Variants in STON1 observed in about 807,000 individuals in gnomAD.
STON1 encodes the protein stonin-1.
STON1 carries 79 observed loss-of-function variants against 60.9 expected under a neutral mutation model. The observed-to-expected ratio is 1.30, with a 90% CI of 1.08 to 1.56. STON1 has a LOEUF of 1.56. Among genes scored for constraint, STON1 ranks in the 40% most tolerant of loss-of-function variants. The pLI, the probability that STON1 is intolerant of heterozygous loss-of-function variation, is 0.00. For synonymous variants in STON1, 363 were observed against 306.9 expected (o/e 1.18, Z -1.91); for missense variants, 1,166 against 858.9 (o/e 1.36, Z -4.47).
chr2:48,582,542 C>A lies in STON1; in HGVS notation c.1909C>A (p.Arg637=), dbSNP rs764099758. ...AYQAVVWKID[R]LPDKNSSLDH... is the part of the protein sequence containing the mutation. ...CCAGGCAGTGGTATGGAAGATAGAT[C>A]GGCTTCCAGACAAAAATTCAAGTAA... The change falls in exon 2 of 4, where the codon CGG becomes AGG. Residue 637 remains arginine (R), a synonymous_variant. Coordinates refer to ENST00000404752, the MANE Select transcript of STON1 (RefSeq NM_006873.4). 1 of 1,607,370 alleles carries A rather than the reference C, an allele frequency of 6.2e-7. No homozygotes were observed. The highest frequency in any genetic ancestry group is 1.1e-5 in the South Asian group (1 of 89,738).
intron 1 of STON1, among the ~76,000 whole-genome samples, chr2:48,540,524 G>A (rs2103752457): frequency 6.6e-6 from 1 of 152,076 alleles, no homozygotes; most frequent in Admixed American, 6.5e-5. Context: ...CCTGGAGGAT[G>A]GTGCACCCAG....
At chr2:48,570,541 G>A (rs1021074070) in intron 1 of STON1, among the ~76,000 whole-genome samples, 1 of 152,062 alleles carries the variant, frequency 6.6e-6, no homozygotes, top group Non-Finnish European at 1.5e-5. Flanking sequence ...CCAAGAGCAC[G>A]TGCTAGGCTT....
In STON1 at chr2:48,581,388, G is replaced by A. The variant is rs757880474; in HGVS notation, c.755G>A (p.Cys252Tyr). 3 of 1,604,694 alleles carry A rather than the reference G, an allele frequency of 1.9e-6. No homozygotes were observed. The highest frequency in any genetic ancestry group is 2.7e-5 in the African/African-American group (2 of 74,750). Residue 252 changes from cysteine to tyrosine, a missense_variant, in exon 2 of 4, where the codon TGT becomes TAT. Coordinates refer to ENST00000404752, the MANE Select transcript of STON1 (RefSeq NM_006873.4). The part of the protein sequence containing the change: ...QDSLRSLSMH[C>Y]LCAEENASSF... ...TCACTTAGAAGTTTGTCTATGCACT[G>A]TCTATGTGCTGAAGAAAATGCCTCT...
chr2:48,554,723 TTTATTTA>T (rs1672246111), intron 1 of STON1, among the ~76,000 whole-genome samples: 1 of 85,996 alleles, frequency 1.2e-5, no homozygotes, highest in Non-Finnish European at 2.5e-5. Context: ...TTTTTTTTTT[TTTATTTA>T]TTTATTTATT....
intron 1 of STON1, among the ~76,000 whole-genome samples, chr2:48,548,995 A>T (rs1671981138): frequency 6.6e-6 from 1 of 152,170 alleles, no homozygotes; most frequent in Admixed American, 6.5e-5. Context: ...TGCTTAATTT[A>T]CTGGCAGAGT....
Position 48,559,232 on chromosome 2 carries a change from C to A in STON1, c.-47-21355C>A, listed in dbSNP as rs558239455. Among the ~76,000 whole-genome samples the A allele has an allele frequency of 1.9e-4, 29 of 152,272 alleles. 1 individual carries two copies. The South Asian group carries it at 6.0e-3, about 32-fold the overall frequency. On this transcript the variant is annotated intron_variant, in intron 1 of 3. Coordinates refer to ENST00000404752, the MANE Select transcript of STON1 (RefSeq NM_006873.4). ...TATGTGCAAGAATCATTTAACATAA[C>A]TGTCTTACTCCCTTGAGCTTGCTAT...
At chr2:48,547,524 A>G (rs1435810613) in intron 1 of STON1, among the ~76,000 whole-genome samples, 1 of 152,202 alleles carries the variant, frequency 6.6e-6, no homozygotes. Flanking sequence ...TCAGTGTCCC[A>G]TGGTCGTGCG....
chr2:48,595,367 G>A lies in STON1; in HGVS notation c.*65G>A. 1 of 1,393,160 alleles carries A rather than the reference G, an allele frequency of 7.2e-7. No homozygotes were observed. The allele number at this position is 1,393,160 out of a possible 1,614,324, so 86.3% of individuals were successfully genotyped here. A position where few individuals can be genotyped will look rare whatever the true frequency, so the allele number is the denominator to read the frequency against. On this transcript the variant is annotated 3_prime_UTR_variant, in exon 4 of 4. Transcript: ENST00000404752. ...ATGTAATTCACCGAAACCACACCAAGTCCTGCTACTGTAGAGTGGAAATGA... is the reference window on the plus strand; with the variant it reads ...ATGTAATTCACCGAAACCACACCAAATCCTGCTACTGTAGAGTGGAAATGA...
intron 1 of STON1, among the ~76,000 whole-genome samples, chr2:48,533,052 A>G (rs953987674): frequency 6.6e-6 from 1 of 152,142 alleles, no homozygotes; most frequent in Non-Finnish European, 1.5e-5. Flanking sequence ...CTAGGAGTTA[A>G]GACCAGACTG....
intron 1 of STON1, among the ~76,000 whole-genome samples, chr2:48,559,557 A>G (rs1161258987): frequency 6.6e-6 from 1 of 152,172 alleles, no homozygotes; most frequent in African/African-American, 2.4e-5. Context: ...TCAGCATATG[A>G]ATTTTGGGAG....
chr2:48,538,635 G>A (rs1268830244), intron 1 of STON1, among the ~76,000 whole-genome samples: 1 of 151,688 alleles, frequency 6.6e-6, no homozygotes, highest in East Asian at 1.9e-4. Flanking sequence ...GTCTCACTCT[G>A]TTGCCCAGGC....
Position 48,582,246 on chromosome 2 carries a change from G to A in STON1, c.1613G>A (p.Gly538Glu). 6.2e-7 allele frequency: 1 copy of A among 1,614,162 alleles called. No homozygotes were observed. The highest frequency in any genetic ancestry group is 8.5e-7 in the Non-Finnish European group (1 of 1,180,030). Residue 538 changes from glycine to glutamate, a missense_variant, in exon 2 of 4, where the codon GGA (glycine) becomes GAA (glutamate). Coordinates refer to ENST00000404752, the MANE Select transcript of STON1 (RefSeq NM_006873.4). Reference sequence around the variant, plus strand: ...TTGAAGTCTGTAGTGGTTGTCCAGGGAGCATACGTGGAACTTCAGGCTTTT... The same window carrying A: ...TTGAAGTCTGTAGTGGTTGTCCAGGAAGCATACGTGGAACTTCAGGCTTTT... ...FSLKSVVVVQ[G>E]AYVELQAFVN...
intron 1 of STON1, among the ~76,000 whole-genome samples, chr2:48,536,311 G>T (rs1274954494): frequency 2.6e-5 from 4 of 152,192 alleles, no homozygotes; most frequent in African/African-American, 7.2e-5. Context: ...ACTTTGGGAG[G>T]CCAAGGTGGG....
rs17039249 is a variant in STON1, at chr2:48,580,576, T to G, written c.-47-11T>G. Reference sequence around the variant, plus strand: ...TATACCTATTTTCTCTTTATTTTATTTTTTTAACAGAGTCAACCTATTTGA... The same window carrying G: ...TATACCTATTTTCTCTTTATTTTATGTTTTTAACAGAGTCAACCTATTTGA... On this transcript the variant is annotated splice_polypyrimidine_tract_variant and intron_variant, in intron 1 of 3. Transcript: ENST00000404752. The G allele has an allele frequency of 0.014, 17,936 of 1,319,696 alleles. 320 individuals carry two copies. The highest frequency in any genetic ancestry group is 0.088 in the African/African-American group (5,862 of 66,536). 81.7% of individuals were successfully genotyped at this position (1,319,696 alleles called of 1,614,324 possible).
In STON1 at chr2:48,580,922, G is replaced by A. The variant is rs750519000; in HGVS notation, c.289G>A (p.Ala97Thr). The change falls in exon 2 of 4, where the codon GCA (alanine) becomes ACA (threonine). Residue 97 changes from alanine (A) to threonine (T), a missense_variant. Transcript: ENST00000404752. ...DFPGFPGIPKAGTHVLYPIPE... is the reference protein window; with the variant it reads ...DFPGFPGIPKTGTHVLYPIPE... ...CCCAGGTTTTCCTGGCATCCCCAAA[G>A]CAGGGACTCATGTGCTTTATCCTAT... is the stretch of plus-strand genomic sequence containing the variant. 13 of 1,599,640 alleles carry A rather than the reference G, an allele frequency of 8.1e-6. No individual in the cohort carries two copies. Among genetic ancestry groups the A allele is most frequent in the Non-Finnish European group, 1.1e-5 (13 of 1,174,272 alleles).
At chr2:48,566,766 G>A (rs1405509739) in intron 1 of STON1, among the ~76,000 whole-genome samples, 3 of 152,320 alleles carry the variant, frequency 2.0e-5, no homozygotes, top group East Asian at 1.9e-4. Context: ...GGCATTGATT[G>A]AAACAAACAT....
intron 1 of STON1, among the ~76,000 whole-genome samples, chr2:48,561,552 C>T (rs1672613965): frequency 6.6e-6 from 1 of 152,176 alleles, no homozygotes; most frequent in South Asian, 2.1e-4. Context: ...AGCTCACTGA[C>T]CTCCTTGCTT....
At chr2:48,564,405 GT>G (rs1672739329) in intron 1 of STON1, among the ~76,000 whole-genome samples, 3 of 82,940 alleles carry the variant, frequency 3.6e-5, no homozygotes, top group African/African-American at 9.3e-5. Flanking sequence ...CAGTGGCGGT[GT>G]CTTCTTCTTC....
intron 1 of STON1, among the ~76,000 whole-genome samples, chr2:48,541,217 G>A (rs1388240715): frequency 6.6e-6 from 1 of 151,824 alleles, no homozygotes; most frequent in Non-Finnish European, 1.5e-5. Context: ...TGGGCATGGT[G>A]TTGTATGACT....
Sources: gnomAD v4.1 joint callset for allele counts (sites outside exome capture counted in the v4.1 genomes callset) on GRCh38, gnomAD v4.1.1 for gene constraint, MANE v1.5 for transcripts, NCBI Gene and HGNC (gene_info 2026-07-23, HGNC 2026-07-21) for gene names.